The following DMD variants were observed in gnomAD, a reference collection of about 807,000 sequenced individuals.
DMD encodes the protein dystrophin.
In DMD, 63 loss-of-function variants were observed where a neutral mutation model predicts 330.1. The observed-to-expected ratio is 0.19, with a 90% CI of 0.16 to 0.24. The LOEUF (loss-of-function observed/expected upper bound fraction) is 0.24, where lower values mean the gene tolerates loss of function less well. Among genes scored for constraint, DMD ranks in the 10% least tolerant of loss-of-function variants. DMD has a pLI of 1.00. For synonymous variants in DMD, 1,223 were observed against 959.8 expected (o/e 1.27, Z -5.07); for missense variants, 3,344 against 2,684.1 (o/e 1.25, Z -5.43).
At chrX:32,710,270 G>T (rs773985213) in intron 7 of DMD, among the ~76,000 whole-genome samples, 1 of 110,099 alleles carries the variant, frequency 9.1e-6, no homozygotes, top group Admixed American at 9.7e-5. Context: ...AAAAAGTAGA[G>T]TCCTTGGTTT....
At chrX:31,625,683 C>T (rs1292760452) in intron 55 of DMD, among the ~76,000 whole-genome samples, 1 of 111,581 alleles carries the variant, frequency 9.0e-6, no homozygotes, top group Admixed American at 9.5e-5. Flanking sequence ...CATGGTGAAT[C>T]TTCCCTTTAA....
intron 2 of DMD, among the ~76,000 whole-genome samples, chrX:32,944,793 G>T (rs1447185084): frequency 3.7e-5 from 4 of 109,310 alleles, no homozygotes; most frequent in Non-Finnish European, 7.6e-5. Flanking sequence ...TTAAGTAGAG[G>T]CTGGGTTTCA....
At chrX:32,797,348 G>A (rs1326111773) in intron 7 of DMD, among the ~76,000 whole-genome samples, 4 of 112,097 alleles carry the variant, frequency 3.6e-5, no homozygotes, top group Non-Finnish European at 5.6e-5. Flanking sequence ...AGACAGTGAA[G>A]TAAGTTTTCC....
At position 31,657,963 on chromosome X, in the gene DMD, T is replaced by C. The variant is rs754147295; in HGVS notation, c.8027+27A>G. On this transcript the variant is annotated intron_variant, in intron 54 of 78. Coordinates refer to ENST00000357033, the MANE Select transcript of DMD (RefSeq NM_004006.3). ...ACCACCCCATTATTACAGCCAACAG[T>C]AGTTTTAGAAATAATGTAATTCATA... 3 of 1,193,841 alleles carry C rather than the reference T, an allele frequency of 2.5e-6. No individual in the cohort carries two copies. In the Admixed American group the frequency reaches 6.5e-5, roughly 26 times the overall value.
At chrX:32,681,019 T>C (rs2062377014) in intron 9 of DMD, among the ~76,000 whole-genome samples, 1 of 112,481 alleles carries the variant, frequency 8.9e-6, no homozygotes, top group Non-Finnish European at 1.9e-5. Flanking sequence ...GACCAGTAAG[T>C]GATAGTTTTC....
chrX:32,289,201 A>G (rs1051987073), intron 42 of DMD, among the ~76,000 whole-genome samples: 7 of 111,262 alleles, frequency 6.3e-5, no homozygotes, highest in Non-Finnish European at 1.3e-4. Context: ...ATCACCATTT[A>G]TCAGTTATGA....
chrX:32,737,213 A>C (rs2068633001), intron 7 of DMD, among the ~76,000 whole-genome samples: 1 of 110,921 alleles, frequency 9.0e-6, no homozygotes. Context: ...TGGTGCTTCA[A>C]GACGTGAAGT....
chrX:32,360,782 A>ACC (rs2097829553), intron 37 of DMD, among the ~76,000 whole-genome samples: 2 of 94,514 alleles, frequency 2.1e-5, no homozygotes, highest in Admixed American at 1.3e-4. Flanking sequence ...GAGAGTCTCC[A>ACC]CCACACACAC....
rs760125535 is a variant in DMD, at chrX:31,670,630, C to T, written c.7872+8745G>A. ...AGAATTTTTCCTTGCCTCTTCCTTG[C>T]TTCTAATGATGGCCGTTAATCATTA... On this transcript the variant is annotated intron_variant, in intron 53 of 78. Coordinates refer to ENST00000357033, the MANE Select transcript of DMD (RefSeq NM_004006.3). Among the ~76,000 whole-genome samples the T allele has an allele frequency of 3.8e-4, 42 of 111,878 alleles. 1 individual carries two copies. In the East Asian group the frequency reaches 0.011, roughly 28 times the overall value.
chrX:31,904,591 T>C (rs952630167), intron 47 of DMD, among the ~76,000 whole-genome samples: 6 of 111,790 alleles, frequency 5.4e-5, no homozygotes, highest in African/African-American at 2.0e-4. Flanking sequence ...CAAATTGCCA[T>C]GTTAGAGACC....
intron 34 of DMD, among the ~76,000 whole-genome samples, chrX:32,370,338 TTACTC>T (rs1432474446): frequency 9.1e-6 from 1 of 109,752 alleles, no homozygotes; most frequent in Non-Finnish European, 1.9e-5. Flanking sequence ...GCCCCCAAAA[TTACTC>T]TATCATGGCT....
At chrX:31,864,748 C>G (rs1345951754) in intron 48 of DMD, among the ~76,000 whole-genome samples, 1 of 111,318 alleles carries the variant, frequency 9.0e-6, no homozygotes, top group Non-Finnish European at 1.9e-5. Context: ...GCTTTGGCCT[C>G]CCAAAGTCCT....
intron 1 of DMD, among the ~76,000 whole-genome samples, chrX:33,322,234 A>C (rs1603430443): frequency 1.8e-5 from 2 of 111,319 alleles, no homozygotes; most frequent in African/African-American, 6.5e-5. Flanking sequence ...CTCACTAAAC[A>C]TAATCATCTC....
intron 19 of DMD, among the ~76,000 whole-genome samples, chrX:32,498,201 A>T (rs2148670054): frequency 9.0e-6 from 1 of 111,335 alleles, no homozygotes; most frequent in South Asian, 3.8e-4. Flanking sequence ...ATTGACGGTA[A>T]GCTGCATGAA....
Position 31,691,326 on chromosome X carries a change from C to T in DMD, c.7661-11740G>A, listed in dbSNP as rs112057801. Among the ~76,000 whole-genome samples the T allele has an allele frequency of 6.0e-3, 667 of 110,936 alleles. 2 individuals are homozygous for T. The highest frequency in any genetic ancestry group is 0.023 in the Middle Eastern group (5 of 217). On this transcript the variant is annotated intron_variant, in intron 52 of 78. Transcript: ENST00000357033. ...ACCCAAAGTATACTACTACACAAAA[C>T]CATCAAAACACAAAGGAAGACAGCA...
Position 31,729,695 on chromosome X carries a change from G to C in DMD, c.7596C>G (p.Thr2532=), listed in dbSNP as rs778412539. The C allele has an allele frequency of 4.1e-6, 5 of 1,211,399 alleles. No homozygotes were observed. In the East Asian group the frequency reaches 1.5e-4, roughly 36 times the overall value. ...QRRPQLEELI[T]AAQNLKNKTS... ...TCTTGTTTTTCAAATTTTGGGCAGC[G>C]GTAATGAGTTCTTCCAACTGGGGAC... The change falls in exon 52 of 79, where the codon ACC becomes ACG. Residue 2532 remains threonine, a synonymous_variant. Transcript: ENST00000357033.
At chrX:32,868,953 C>T (rs769348782) in intron 2 of DMD, among the ~76,000 whole-genome samples, 2 of 111,703 alleles carry the variant, frequency 1.8e-5, no homozygotes, top group Non-Finnish European at 3.8e-5. Flanking sequence ...CTGGGTGAGA[C>T]CCACCCCCAA....
chrX:31,738,309 G>A (rs1022217600), intron 51 of DMD, among the ~76,000 whole-genome samples: 8 of 112,211 alleles, frequency 7.1e-5, no homozygotes, highest in Admixed American at 9.5e-5. Context: ...ACAAGCATAT[G>A]AAAAGGTGCT....
At chrX:33,155,819 A>G (rs1392816454) in intron 1 of DMD, among the ~76,000 whole-genome samples, 1 of 111,092 alleles carries the variant, frequency 9.0e-6, no homozygotes, top group Non-Finnish European at 1.9e-5. Flanking sequence ...AAAATTAACC[A>G]GGCATGGGCT....
Sources: allele counts gnomAD v4.1 joint callset (sites outside exome capture counted in the v4.1 genomes callset), GRCh38; gene constraint gnomAD v4.1.1; transcripts MANE v1.5; gene names NCBI Gene and HGNC (gene_info 2026-07-23, HGNC 2026-07-21).